The following VEGFC variants were observed in gnomAD, a reference collection of about 807,000 sequenced individuals.
VEGFC encodes the protein FLT4 ligand DHM.
VEGFC carries 12 observed loss-of-function variants against 46.1 expected under a neutral mutation model. That is an observed-to-expected ratio of 0.26 (90% CI 0.17 to 0.42). VEGFC has a LOEUF of 0.42. Ranked by LOEUF, VEGFC falls within the 10% of genes least tolerant of loss-of-function variation. VEGFC has a pLI of 1.00. For missense variants in VEGFC, 488 were observed against 529.4 expected (o/e 0.92, Z 0.77); for synonymous variants, 232 against 195.5 (o/e 1.19, Z -1.56).
At chr4:176,754,943 T>C (rs1735406975) in intron 1 of VEGFC, among the ~76,000 whole-genome samples, 2 of 152,070 alleles carry the variant, frequency 1.3e-5, no homozygotes, top group African/African-American at 4.8e-5. Flanking sequence ...CTACAATTCC[T>C]GAAAATACAG....
chr4:176,698,199 G>A (rs113223830), intron 4 of VEGFC, among the ~76,000 whole-genome samples: 9,668 of 151,188 alleles, frequency 0.064, 374 homozygotes, highest in Non-Finnish European at 0.091. Context: ...CATCACAGCA[G>A]GCTATTTTGT....
chr4:176,730,059 A>C (rs1197945555), intron 1 of VEGFC, among the ~76,000 whole-genome samples: 2 of 152,150 alleles, frequency 1.3e-5, no homozygotes, highest in Non-Finnish European at 2.9e-5. Context: ...TGTATGTTTG[A>C]AAATTTATTC....
At chr4:176,784,325 C>T (rs963193584) in intron 1 of VEGFC, among the ~76,000 whole-genome samples, 2 of 152,020 alleles carry the variant, frequency 1.3e-5, no homozygotes, top group African/African-American at 2.4e-5. Context: ...CTGACTCAGA[C>T]TCCCAAAGTG....
intron 1 of VEGFC, among the ~76,000 whole-genome samples, chr4:176,773,013 T>G (rs1045732073): frequency 6.6e-6 from 1 of 152,260 alleles, no homozygotes; most frequent in Non-Finnish European, 1.5e-5. Flanking sequence ...AGAAAGTGCA[T>G]GTATTTTCTT....
intron 1 of VEGFC, among the ~76,000 whole-genome samples, chr4:176,758,180 C>G (rs73009530): frequency 0.11 from 15,996 of 151,992 alleles, 1,970 homozygotes; most frequent in African/African-American, 0.29. Context: ...TATTGACAAA[C>G]AAGTTGTTAG....
chr4:176,718,473 G>A (rs947132246), intron 3 of VEGFC, among the ~76,000 whole-genome samples: 5 of 151,756 alleles, frequency 3.3e-5, no homozygotes, highest in African/African-American at 9.7e-5. Context: ...AAATATAATC[G>A]AGCATGTCTT....
chr4:176,708,446 T>G (rs188117680), intron 4 of VEGFC, among the ~76,000 whole-genome samples: 1 of 152,072 alleles, frequency 6.6e-6, no homozygotes, highest in Non-Finnish European at 1.5e-5. Context: ...GAGATACATA[T>G]AGTATAAAGA....
At chr4:176,692,538 T>C (rs1291089798) in intron 4 of VEGFC, among the ~76,000 whole-genome samples, 1,599 of 132,604 alleles carry the variant, frequency 0.012, 364 homozygotes, top group African/African-American at 0.044. Context: ...AAGGCGGCAA[T>C]GAGGCTGGGG....
intron 4 of VEGFC, among the ~76,000 whole-genome samples, chr4:176,703,223 T>C (rs1265449724): frequency 6.6e-6 from 1 of 152,114 alleles, no homozygotes; most frequent in Non-Finnish European, 1.5e-5. Flanking sequence ...TGATGTTTGA[T>C]ATTTTTTAAT....
intron 3 of VEGFC, among the ~76,000 whole-genome samples, chr4:176,721,395 T>A (rs1213932378): frequency 1.3e-5 from 2 of 151,074 alleles, no homozygotes; most frequent in Admixed American, 6.6e-5. Flanking sequence ...TATCAAGGAG[T>A]TTTTAGCAGT....
chr4:176,700,088 T>G (rs1734399956), intron 4 of VEGFC, among the ~76,000 whole-genome samples: 1 of 152,190 alleles, frequency 6.6e-6, no homozygotes, highest in African/African-American at 2.4e-5. Flanking sequence ...AGTCTTAATG[T>G]TTGAAAGGCT....
chr4:176,776,366 C>T (rs1357385490), intron 1 of VEGFC, among the ~76,000 whole-genome samples: 5 of 152,198 alleles, frequency 3.3e-5, no homozygotes, highest in Non-Finnish European at 5.9e-5. Flanking sequence ...CTGCAAAGGA[C>T]GCTGGGAAGT....
intron 1 of VEGFC, among the ~76,000 whole-genome samples, chr4:176,780,424 A>G (rs954026350): frequency 4.0e-5 from 6 of 150,772 alleles, no homozygotes; most frequent in Non-Finnish European, 7.4e-5. Context: ...TTCACTAAGC[A>G]CTAAGCACGC....
chr4:176,788,735 G>A (rs143077438), intron 1 of VEGFC, among the ~76,000 whole-genome samples: 2 of 152,142 alleles, frequency 1.3e-5, no homozygotes, highest in African/African-American at 2.4e-5. Flanking sequence ...AATGTCTATC[G>A]ACTTTGCACC....
chr4:176,771,759 T>C (rs904087282), intron 1 of VEGFC, among the ~76,000 whole-genome samples: 2 of 152,154 alleles, frequency 1.3e-5, no homozygotes, highest in Non-Finnish European at 2.9e-5. Flanking sequence ...GTACCAGGTG[T>C]TTTATGGGAA....
At chr4:176,782,290 T>TC (rs1004111536) in intron 1 of VEGFC, among the ~76,000 whole-genome samples, 2 of 151,998 alleles carry the variant, frequency 1.3e-5, no homozygotes, top group African/African-American at 2.4e-5. Flanking sequence ...TAGTGAGACC[T>TC]CATTTCTACA....
chr4:176,754,281 C>T (rs1735396967), intron 1 of VEGFC, among the ~76,000 whole-genome samples: 3 of 150,626 alleles, frequency 2.0e-5, no homozygotes, highest in Admixed American at 6.6e-5. Flanking sequence ...TATTAGGTAG[C>T]TCATTAGTTT....
chr4:176,765,842 C>G (rs145088442), intron 1 of VEGFC, among the ~76,000 whole-genome samples: 1 of 151,844 alleles, frequency 6.6e-6, no homozygotes. Flanking sequence ...AGTGAGCCAC[C>G]GTGCCCGGCC....
intron 1 of VEGFC, among the ~76,000 whole-genome samples, chr4:176,746,372 G>T (rs1579119783): frequency 1.3e-5 from 2 of 152,026 alleles, no homozygotes; most frequent in Non-Finnish European, 2.9e-5. Context: ...CAAATGATAT[G>T]TCAGAGAGAA....
Sources: gnomAD v4.1 joint callset for allele counts (sites outside exome capture counted in the v4.1 genomes callset) on GRCh38, gnomAD v4.1.1 for gene constraint, MANE v1.5 for transcripts, NCBI Gene and HGNC (gene_info 2026-07-23, HGNC 2026-07-21) for gene names.